CEP85L: variants seen among roughly 807,000 people sequenced by gnomAD.
CEP85L encodes the protein centrosomal protein 85L, also known as centrosomal protein of 85 kDa-like.
CEP85L carries 60 observed loss-of-function variants against 100.3 expected under a neutral mutation model. The ratio of observed to expected loss-of-function variants is 0.60; its 90% CI spans 0.49 to 0.74. CEP85L has a LOEUF of 0.74. Ranked by LOEUF, CEP85L falls within the 30% of genes least tolerant of loss-of-function variation. The pLI, the probability that CEP85L is intolerant of heterozygous loss-of-function variation, is 0.00. For synonymous variants in CEP85L, 319 were observed against 322.7 expected, an observed-to-expected ratio of 0.99 and a Z score of 0.12; for missense variants, 973 against 936.2, an observed-to-expected ratio of 1.04 and a Z score of -0.51.
Position 118,565,870 on chromosome 6 carries a change from C to T in CEP85L, c.679G>A (p.Asp227Asn), listed in dbSNP as rs768500257. ...CAGCTCTCAAATTTATACTTGCAGT[C>T]CAGAGTTGATGACCGTTTTTTATTT... is the stretch of plus-strand genomic sequence containing the variant. ...EINKKRSSTL[D>N]CKYKFESCSK... is the part of the protein sequence containing the mutation. Residue 227 changes from aspartate to asparagine, a missense_variant, in exon 3 of 13, where the codon GAC (aspartate) becomes AAC (asparagine). This residue lies in a region of CEP85L where 890 missense variants were observed against 844.5 expected (regional missense o/e 1.05). Transcript: ENST00000368491. 1.2e-6 allele frequency: 2 copies of T among 1,614,048 alleles called. No individual in the cohort carries two copies. The highest frequency in any genetic ancestry group is 1.7e-6 in the Non-Finnish European group (2 of 1,180,016).
At chr6:118,508,665 T>G (rs1403983434) in intron 5 of CEP85L, among the ~76,000 whole-genome samples, 1 of 152,130 alleles carries the variant, frequency 6.6e-6, no homozygotes, top group Non-Finnish European at 1.5e-5. Context: ...ATTAAGAGTA[T>G]GTTTTCCATC....
chr6:118,503,043 G>A (rs377671134), intron 5 of CEP85L: 4 of 213,596 alleles, frequency 1.9e-5, no homozygotes, highest in African/African-American at 4.6e-5. Context: ...ATTAAACTTC[G>A]GAACAGTGAA....
At chr6:118,604,898 TTAC>T (rs1465782553) in intron 2 of CEP85L, among the ~76,000 whole-genome samples, 2 of 149,752 alleles carry the variant, frequency 1.3e-5, no homozygotes, top group African/African-American at 4.9e-5. Flanking sequence ...TTCCAAAAGA[TTAC>T]TAAAGTCACG....
intron 8 of CEP85L, 41 bp from the exon 9 acceptor site, chr6:118,480,554 T>C: frequency 8.0e-7 from 1 of 1,255,304 alleles, no homozygotes; most frequent in African/African-American, 1.5e-5. Context: ...TAAGCTCTAT[T>C]TGCTGATTTT....
chr6:118,639,802 C>A (rs559638325), intron 1 of CEP85L, among the ~76,000 whole-genome samples: 1 of 152,208 alleles, frequency 6.6e-6, no homozygotes, highest in East Asian at 1.9e-4. Context: ...CAAATGTTCA[C>A]AGAATAAAAT....
At chr6:118,536,495 C>T (rs1029773236) in intron 3 of CEP85L, among the ~76,000 whole-genome samples, 2 of 152,082 alleles carry the variant, frequency 1.3e-5, no homozygotes, top group South Asian at 2.1e-4. Flanking sequence ...ACAGGAAATA[C>T]TTATACTTTA....
chr6:118,598,773 G>T (rs1259578812), intron 2 of CEP85L, among the ~76,000 whole-genome samples: 1 of 152,156 alleles, frequency 6.6e-6, no homozygotes, highest in African/African-American at 2.4e-5. Flanking sequence ...GTGGTAATTT[G>T]TTATAGCAGC....
At chr6:118,493,166 G>C (rs1455656468) in intron 5 of CEP85L, among the ~76,000 whole-genome samples, 1 of 152,106 alleles carries the variant, frequency 6.6e-6, no homozygotes, top group Non-Finnish European at 1.5e-5. Flanking sequence ...GACAGATTTT[G>C]AAAAACAGAT....
At chr6:118,608,255 G>A (rs916680170) in intron 2 of CEP85L, among the ~76,000 whole-genome samples, 1 of 152,150 alleles carries the variant, frequency 6.6e-6, no homozygotes, top group African/African-American at 2.4e-5. Flanking sequence ...CAGCACTTTA[G>A]GAGGCCGAGG....
intron 1 of CEP85L, 59 bp from the exon 2 acceptor site, chr6:118,632,670 T>G: frequency 6.9e-7 from 1 of 1,445,170 alleles, no homozygotes; most frequent in Non-Finnish European, 9.3e-7. Flanking sequence ...AAGATTTTTT[T>G]TTTACCTTGT....
intron 3 of CEP85L, among the ~76,000 whole-genome samples, chr6:118,542,994 T>A (rs1270145207): frequency 1.3e-5 from 2 of 151,264 alleles, no homozygotes; most frequent in Non-Finnish European, 2.9e-5. Context: ...AAGTCTGTTT[T>A]AACCTTATAA....
At chr6:118,516,886 C>G (rs189669169) in intron 4 of CEP85L, among the ~76,000 whole-genome samples, 1 of 152,126 alleles carries the variant, frequency 6.6e-6, no homozygotes, top group Non-Finnish European at 1.5e-5. Flanking sequence ...TTAGGTCTTA[C>G]GCTTAAGTTT....
intron 6 of CEP85L, 77 bp from the exon 7 acceptor site, chr6:118,483,935 GA>G: frequency 7.6e-7 from 1 of 1,309,204 alleles, no homozygotes; most frequent in South Asian, 1.4e-5. Flanking sequence ...TTTAATATTA[GA>G]CACCATTGAA....
intron 3 of CEP85L, among the ~76,000 whole-genome samples, chr6:118,549,346 G>A (rs1778398075): frequency 6.6e-6 from 1 of 151,752 alleles, no homozygotes; most frequent in African/African-American, 2.4e-5. Context: ...TATGACTTCT[G>A]TTTGAATTCT....
At position 118,677,337 on chromosome 6, in the gene CEP85L, G is replaced by A. The variant is rs531637255; in HGVS notation, c.-27-24529C>T. On this transcript the variant is annotated intron_variant, in intron 1 of 13. Transcript: ENST00000368488. ...CCAGAACTAAAATTTTGAGGGTGAC[G>A]TGAGAAGGGGGCGAGCTGTACAAGC... Among the ~76,000 whole-genome samples, 12 of 152,276 alleles carry A rather than the reference G, an allele frequency of 7.9e-5. 1 individual carries two copies. The highest frequency in any genetic ancestry group is 1.2e-4 in the African/African-American group (5 of 41,554).
intron 5 of CEP85L, among the ~76,000 whole-genome samples, chr6:118,503,234 A>T (rs1775421089): frequency 6.6e-6 from 1 of 152,344 alleles, no homozygotes; most frequent in South Asian, 2.1e-4. Context: ...ATCTAACAAC[A>T]TATGTTCAAG....
intron 5 of CEP85L, among the ~76,000 whole-genome samples, chr6:118,500,416 C>T (rs1159511804): frequency 3.1e-5 from 1 of 32,748 alleles, no homozygotes; most frequent in Admixed American, 1.8e-4. Flanking sequence ...CACTCCCTGG[C>T]GCTGGGCTCC....
At chr6:118,626,530 C>T (rs1773807617) in intron 2 of CEP85L, among the ~76,000 whole-genome samples, 2 of 152,186 alleles carry the variant, frequency 1.3e-5, no homozygotes, top group Admixed American at 1.3e-4. Context: ...TAAGGCATGT[C>T]ACAAAATAAT....
intron 3 of CEP85L, among the ~76,000 whole-genome samples, chr6:118,552,372 A>G (rs1778600022): frequency 6.6e-6 from 1 of 152,082 alleles, no homozygotes; most frequent in African/African-American, 2.4e-5. Flanking sequence ...CATATACAAC[A>G]TCATTAAAGT....
Sources: allele counts gnomAD v4.1 joint callset (sites outside exome capture counted in the v4.1 genomes callset), GRCh38; gene constraint gnomAD v4.1.1; regional missense constraint gnomAD v4.1.1; transcripts MANE v1.5; gene names NCBI Gene and HGNC (gene_info 2026-07-23, HGNC 2026-07-21).